Variants in MRPL55 observed in about 807,000 individuals in gnomAD.
MRPL55 encodes the protein large ribosomal subunit protein mL55.
Under a neutral mutation model 10.6 loss-of-function variants are expected in MRPL55, and 7 were observed. The observed-to-expected ratio is 0.66, with a 90% CI of 0.38 to 1.24. MRPL55 has a LOEUF of 1.24. Ranked by LOEUF, MRPL55 falls within the 50% of genes most tolerant of loss-of-function variation. The probability of loss-of-function intolerance (pLI) is 0.02; values close to 1 mark genes in which losing one functional copy is unlikely to be tolerated. For missense variants in MRPL55, 148 were observed against 180.3 expected, an observed-to-expected ratio of 0.82 and a Z score of 1.03; for synonymous variants, 57 against 71.8, an observed-to-expected ratio of 0.79 and a Z score of 1.04.
At chr1:228,107,039 A>C in intron 4 of MRPL55, 121 bp from the exon 5 acceptor site, 1 of 701,248 alleles carries the variant, frequency 1.4e-6, no homozygotes, top group South Asian at 2.0e-5. Flanking sequence ...TTAATTTTCA[A>C]ACATTCTTAT....
intron 2 of MRPL55, chr1:228,108,658 A>G (rs999891708): frequency 5.7e-5 from 13 of 227,884 alleles, no homozygotes; most frequent in African/African-American, 3.0e-4. Flanking sequence ...TGCTAGTTTT[A>G]ATAAAAACTC....
Position 228,106,884 on chromosome 1 carries a change from T to C in MRPL55, c.263A>G (p.Glu88Gly), listed in dbSNP as rs754473555. 1.2e-6 allele frequency: 2 copies of C among 1,613,666 alleles called. No individual in the cohort carries two copies. Among genetic ancestry groups the C allele is most frequent in the Non-Finnish European group, 1.7e-6 (2 of 1,179,982 alleles). Residue 88 changes from glutamate (E) to glycine (G), a missense_variant, in exon 5 of 5, where the codon GAG becomes GGG. Coordinates refer to ENST00000336520, the MANE Select transcript of MRPL55 (RefSeq NM_181463.3). ...ACGCTTCCGCAGCCTGGCCCGGCGC[T>C]CCTCAGGAGACAGGGTGTCCAGATC... is the stretch of plus-strand genomic sequence containing the variant. ...PIDLDTLSPE[E>G]RRARLRKREA...
rs548426218 is a variant in MRPL55, at chr1:228,107,635, G to A, written c.228+33C>T. ...CCCACCACAGCCTCGACCCCAGCCC[G>A]GCACCTGGAAGCACCTGGAGAGGGA... On this transcript the variant is annotated intron_variant, in intron 4 of 4. Coordinates refer to ENST00000336520, the MANE Select transcript of MRPL55 (RefSeq NM_181463.3). The A allele has an allele frequency of 1.7e-4, 268 of 1,606,392 alleles. 1 individual carries two copies. The South Asian group carries it at 2.6e-3, about 15-fold the overall frequency.
At position 228,106,899 on chromosome 1, in the gene MRPL55, G is replaced by T; in HGVS notation, c.248C>A (p.Thr83Asn). Residue 83 changes from threonine to asparagine, a missense_variant, in exon 5 of 5, where the codon ACC (threonine) becomes AAC (asparagine). Thr to Asn is a moderately conservative substitution (Grantham distance 65). Coordinates refer to ENST00000336520, the MANE Select transcript of MRPL55 (RefSeq NM_181463.3). ...RMLAMPIDLD[T>N]LSPEERRARL... ...GGCCCGGCGCTCCTCAGGAGACAGGGTGTCCAGATCTATGGGCATCTGCAG... is the reference window on the plus strand; with the variant it reads ...GGCCCGGCGCTCCTCAGGAGACAGGTTGTCCAGATCTATGGGCATCTGCAG... 1 of 1,613,552 alleles carries T rather than the reference G, an allele frequency of 6.2e-7. No homozygotes were observed. Among genetic ancestry groups the T allele is most frequent in the Non-Finnish European group, 8.5e-7 (1 of 1,179,938 alleles).
Position 228,109,195 on chromosome 1 carries a change from C to T in MRPL55, c.-172G>A, listed in dbSNP as rs1197722733. 3 of 152,398 alleles carry T rather than the reference C, an allele frequency of 2.0e-5. No homozygotes were observed. Among genetic ancestry groups the T allele is most frequent in the Non-Finnish European group, 4.4e-5 (3 of 68,124 alleles). 9.4% of individuals were successfully genotyped at this position (152,398 alleles called of 1,614,324 possible). A position where few individuals can be genotyped will look rare whatever the true frequency, so the allele number is the denominator to read the frequency against. On this transcript the variant is annotated 5_prime_UTR_variant, in exon 1 of 5. Coordinates refer to ENST00000336520, the MANE Select transcript of MRPL55 (RefSeq NM_181463.3). ...CGGAGGGGTCTGAGGACAGGCGGTC[C>T]TGACTCCCGCTGCCCGGTGGAACTA... is the stretch of plus-strand genomic sequence containing the variant.
In MRPL55 at chr1:228,108,216, C is replaced by T; in HGVS notation, c.26+19G>A. 6.2e-7 allele frequency: 1 copy of T among 1,609,426 alleles called. No individual in the cohort carries two copies. Among genetic ancestry groups the T allele is most frequent in the Non-Finnish European group, 8.5e-7 (1 of 1,178,208 alleles). On this transcript the variant is annotated intron_variant, in intron 3 of 4. Transcript: ENST00000336520. The stretch of plus-strand genomic sequence containing the variant: ...GGCCCCTGACAGTAATCCCCAGGGA[C>T]CTAAAAGTCCATGCTTACCCAAGCA...
chr1:228,108,272 G>A lies in MRPL55; in HGVS notation c.-12C>T. 1.2e-6 allele frequency: 2 copies of A among 1,610,636 alleles called. No individual in the cohort carries two copies. The highest frequency in any genetic ancestry group is 2.7e-5 in the African/African-American group (2 of 75,002). ...CCCACGGCCGCCATTCCTCCTTACA[G>A]CCCCAGTGGCACGTGGAGGTGGTCA... On this transcript the variant is annotated 5_prime_UTR_variant, in exon 3 of 5. Transcript: ENST00000336520.
chr1:228,107,044 T>A lies in MRPL55; in HGVS notation c.229-126A>T, dbSNP rs1355941242. ...CTATGCTAGCTTAATTTTCAAACAT[T>A]CTTATTGGTCTCTCCCTTCAAAGCT... On this transcript the variant is annotated intron_variant, in intron 4 of 4. Coordinates refer to ENST00000336520, the MANE Select transcript of MRPL55 (RefSeq NM_181463.3). 10 of 662,928 alleles carry A rather than the reference T, an allele frequency of 1.5e-5. No individual in the cohort carries two copies. The Admixed American group carries it at 2.7e-4, about 18-fold the overall frequency. The allele number at this position is 662,928 out of a possible 1,614,324, so 41.1% of individuals were successfully genotyped here.
intron 3 of MRPL55, 103 bp downstream of exon 3, chr1:228,108,132 C>A: frequency 6.5e-7 from 1 of 1,535,418 alleles, no homozygotes; most frequent in Middle Eastern, 1.7e-4. Flanking sequence ...TGGACAATAG[C>A]AAGGACTAGG....
chr1:228,107,772 G>C lies in MRPL55; in HGVS notation c.124C>G (p.Arg42Gly). The C allele has an allele frequency of 1.2e-6, 2 of 1,613,288 alleles. No homozygotes were observed. The highest frequency in any genetic ancestry group is 1.7e-6 in the Non-Finnish European group (2 of 1,180,030). The change falls in exon 4 of 5, where the codon CGT (arginine) becomes GGT (glycine). Residue 42 changes from arginine (R) to glycine (G), a missense_variant. Transcript: ENST00000336520. ...RADSSRASLT[R>G]VHRQAYARLY... ...CGTGCATAAGCCTGGCGGTGCACAC[G>C]AGTGAGTGAGGCCCTGCTGCTGTCA... is the stretch of plus-strand genomic sequence containing the variant.
Position 228,106,827 on chromosome 1 carries a change from T to C in MRPL55, c.320A>G (p.Glu107Gly), listed in dbSNP as rs1199642455. 6.2e-7 allele frequency: 1 copy of C among 1,614,008 alleles called. No homozygotes were observed. The highest frequency in any genetic ancestry group is 2.2e-5 in the East Asian group (1 of 44,878). The change falls in exon 5 of 5, where the codon GAG becomes GGG. Residue 107 changes from glutamate (E) to glycine (G), a missense_variant. Transcript: ENST00000336520. ...EAQLQSRKEY[E>G]QELSDDLHVE... ...ATGCAAGTCATCACTGAGCTCCTGC[T>C]CGTACTCCTTCCTCGACTGGAGCTG...
At position 228,107,675 on chromosome 1, in the gene MRPL55, A is replaced by C. The variant is rs771919827; in HGVS notation, c.221T>G (p.Met74Arg). Reference sequence around the variant, plus strand: ...CTGGAGAGGGAAGCTTACCGCCAGCATGCGCCGTGGCTCCCTGTAGCGGAT... The same window carrying C: ...CTGGAGAGGGAAGCTTACCGCCAGCCTGCGCCGTGGCTCCCTGTAGCGGAT... ...IHIRYREPRR[M>R]LAMPIDLDTL... Residue 74 changes from methionine to arginine, a missense_variant, in exon 4 of 5, where the codon ATG becomes AGG. Physicochemically the swap from Met to Arg is moderately conservative, Grantham distance 91 (BLOSUM62 -1). Transcript: ENST00000336520. 1 of 1,612,846 alleles carries C rather than the reference A, an allele frequency of 6.2e-7. No individual in the cohort carries two copies. The highest frequency in any genetic ancestry group is 2.2e-5 in the East Asian group (1 of 44,874).
At chr1:228,108,134 A>G (rs2033392202) in intron 3 of MRPL55, 101 bp downstream of exon 3, 1 of 1,533,972 alleles carries the variant, frequency 6.5e-7, no homozygotes, top group African/African-American at 1.4e-5. Context: ...GACAATAGCA[A>G]GGACTAGGGA....
intron 2 of MRPL55, 168 bp from the exon 3 acceptor site, chr1:228,108,486 T>C (rs2033442213): frequency 1.8e-6 from 1 of 552,672 alleles, no homozygotes; most frequent in Non-Finnish European, 3.2e-6. Context: ...TGTAGAGGTT[T>C]TTCCAAAAGC....
chr1:228,107,740 G>T lies in MRPL55; in HGVS notation c.156C>A (p.Tyr52Ter). The T allele has an allele frequency of 2.5e-6, 4 of 1,613,276 alleles. No homozygotes were observed. Among genetic ancestry groups the T allele is most frequent in the Non-Finnish European group, 3.4e-6 (4 of 1,180,036 alleles). The change falls in exon 4 of 5, where the codon TAC becomes TAA. Residue 52 changes from tyrosine (Y) to a stop codon, truncating the protein, a stop_gained. Coordinates refer to ENST00000336520, the MANE Select transcript of MRPL55 (RefSeq NM_181463.3). LOFTEE classifies it high-confidence loss of function. ...CATCCTGCTTCACCAGCAGCACGGG[G>T]TAGAGTCGTGCATAAGCCTGGCGGT... ...RVHRQAYARL[Y>*]PVLLVKQDGS...
rs370221036 is a variant in MRPL55 at position 228,106,740 on chromosome 1, C to G, written c.*20G>C. The G allele has an allele frequency of 6.2e-7, 1 of 1,602,476 alleles. No homozygotes were observed. The highest frequency in any genetic ancestry group is 8.5e-7 in the Non-Finnish European group (1 of 1,172,606). On this transcript the variant is annotated 3_prime_UTR_variant, in exon 5 of 5. Coordinates refer to ENST00000336520, the MANE Select transcript of MRPL55 (RefSeq NM_181463.3). ...CAGCCCTCCCATCTTAGCAATGTCC[C>G]GGGGTGGCTGGAGCCACGGTCACTT...
Position 228,107,664 on chromosome 1 carries a change from T to G in MRPL55, c.228+4A>C. ...CCTGGAAGCACCTGGAGAGGGAAGC[T>G]TACCGCCAGCATGCGCCGTGGCTCC... On this transcript the variant is annotated splice_donor_region_variant and intron_variant, in intron 4 of 4. Transcript: ENST00000336520. 6.2e-7 allele frequency: 1 copy of G among 1,612,454 alleles called. No homozygotes were observed. The highest frequency in any genetic ancestry group is 8.5e-7 in the Non-Finnish European group (1 of 1,179,930).
At position 228,106,775 on chromosome 1, in the gene MRPL55, G is replaced by C. The variant is rs1467802372; in HGVS notation, c.372C>G (p.Thr124=). Residue 124 remains threonine (T), a synonymous_variant, in exon 5 of 5, where the codon ACC becomes ACG. Transcript: ENST00000336520. ...GGAGCCACGGTCACTTCTTGGTCCT[G>C]GTCCAGAACTGTCGGTAGCGCTCCA... ...LHVERYRQFW[T]RTKK The C allele has an allele frequency of 2.5e-6, 4 of 1,612,976 alleles. No homozygotes were observed. Among genetic ancestry groups the C allele is most frequent in the Non-Finnish European group, 3.4e-6 (4 of 1,179,444 alleles).
chr1:228,107,634 C>G (rs369280812), intron 4 of MRPL55, 34 bp downstream of exon 4: 2 of 1,605,460 alleles, frequency 1.2e-6, no homozygotes, highest in Non-Finnish European at 1.7e-6. Flanking sequence ...GACCCCAGCC[C>G]GGCACCTGGA....
Sources: gnomAD v4.1 joint callset for allele counts on GRCh38, gnomAD v4.1.1 for gene constraint, MANE v1.5 for transcripts, NCBI Gene and HGNC (gene_info 2026-07-23, HGNC 2026-07-21) for gene names.